ZNF341: variants seen among roughly 807,000 people sequenced by gnomAD.
The protein encoded by ZNF341 is zinc finger protein 341.
A neutral mutation model predicts 87.7 loss-of-function variants in ZNF341; 52 were observed. The observed-to-expected ratio is 0.59, with a 90% CI of 0.47 to 0.75. The LOEUF (loss-of-function observed/expected upper bound fraction) is 0.75. Among genes scored for constraint, ZNF341 ranks in the 30% least tolerant of loss-of-function variants. ZNF341 has a pLI of 0.00. For synonymous variants in ZNF341, 459 were observed against 472.7 expected (o/e 0.97, Z 0.38); for missense variants, 977 against 1,145.9 (o/e 0.85, Z 2.13).
chr20:33,766,856 G>C lies in ZNF341; in HGVS notation c.1228G>C (p.Gly410Arg). 1 of 1,608,126 alleles carries C rather than the reference G, an allele frequency of 6.2e-7. No individual in the cohort carries two copies. The highest frequency in any genetic ancestry group is 8.5e-7 in the Non-Finnish European group (1 of 1,176,774). Residue 410 changes from glycine (G) to arginine (R), a missense_variant, in exon 9 of 15, where the codon GGC becomes CGC. Gly to Arg is a moderately radical substitution (Grantham distance 125). Coordinates refer to ENST00000375200, the MANE Select transcript of ZNF341 (RefSeq NM_001282933.2). ...RQEDEESTGL[G>R]QPLPGAPQPQ... is the part of the protein sequence containing the mutation. ...TTCCCTGGCTTTCTCCACAGGGTTGGGCCAGCCCCTGCCGGGTGCGCCACA... is the reference window on the plus strand; with the variant it reads ...TTCCCTGGCTTTCTCCACAGGGTTGCGCCAGCCCCTGCCGGGTGCGCCACA...
chr20:33,743,141 C>T (rs1364801592), intron 2 of ZNF341, among the ~76,000 whole-genome samples: 4 of 150,994 alleles, frequency 2.6e-5, no homozygotes, highest in Non-Finnish European at 5.9e-5. Context: ...AAGTGATTCT[C>T]CTGCTTCAGC....
intron 7 of ZNF341, among the ~76,000 whole-genome samples, chr20:33,760,194 G>A (rs549823701): frequency 3.3e-5 from 5 of 152,300 alleles, no homozygotes; most frequent in African/African-American, 1.2e-4. Flanking sequence ...CTTGAGGTCA[G>A]GAGTTCAAGA....
chr20:33,757,479 A>C, intron 6 of ZNF341, 136 bp downstream of exon 6: 1 of 778,444 alleles, frequency 1.3e-6, no homozygotes, highest in Non-Finnish European at 1.8e-6. Context: ...AATGACTTCA[A>C]AATGATAGAA....
intron 4 of ZNF341, chr20:33,752,583 A>G: frequency 2.9e-6 from 1 of 350,650 alleles, no homozygotes; most frequent in African/African-American, 2.1e-5. Flanking sequence ...CCTTCTTAAG[A>G]TAGCAACATT....
intron 1 of ZNF341, among the ~76,000 whole-genome samples, chr20:33,739,058 C>T (rs934690626): frequency 1.3e-5 from 2 of 152,206 alleles, no homozygotes; most frequent in East Asian, 3.8e-4. Flanking sequence ...GCAACCTCCA[C>T]CTCCCGGGTT....
At chr20:33,764,635 C>T (rs1365133138) in intron 8 of ZNF341, among the ~76,000 whole-genome samples, 1 of 124,776 alleles carries the variant, frequency 8.0e-6, no homozygotes, top group Non-Finnish European at 1.6e-5. Context: ...TGCAGTGGTG[C>T]GATCTTGGCT....
chr20:33,732,108 C>A lies in ZNF341; in HGVS notation c.31+56C>A. The A allele has an allele frequency of 8.7e-7, 1 of 1,152,992 alleles. No homozygotes were observed. The highest frequency in any genetic ancestry group is 4.2e-5 in the South Asian group (1 of 23,920). 71.4% of individuals were successfully genotyped at this position (1,152,992 alleles called of 1,614,324 possible). ...TGTTCCGCGCTGCGCCCCCTCCCGC[C>A]GCGCCCTCGCAGCGCCCGGCCTAGG... On this transcript the variant is annotated intron_variant, in intron 1 of 14. Transcript: ENST00000375200. The surrounding 1 kb of genome is among the most constrained non-coding windows in gnomAD (Gnocchi z 4.5).
rs1173390467 is a variant in ZNF341 at position 33,770,206 on chromosome 20, C to A, written c.1536C>A (p.Phe512Leu). 1.2e-6 allele frequency: 2 copies of A among 1,614,188 alleles called. No individual in the cohort carries two copies. Among genetic ancestry groups the A allele is most frequent in the Non-Finnish European group, 8.5e-7 (1 of 1,180,036 alleles). ...SYRCHLCGKD[F>L]PSLYDLGVHQ... ...GCTGCCACCTCTGCGGCAAGGACTT[C>A]CCCTCGCTGTACGACCTGGGCGTGC... Residue 512 changes from phenylalanine (F) to leucine (L), a missense_variant, in exon 10 of 15, where the codon TTC becomes TTA. Around this residue, in one of 3 missense-constraint regions of ZNF341, gnomAD observed 241 missense variants for 335.0 expected, o/e 0.72. Coordinates refer to ENST00000375200, the MANE Select transcript of ZNF341 (RefSeq NM_001282933.2).
intron 10 of ZNF341, among the ~76,000 whole-genome samples, chr20:33,779,474 G>A (rs991934439): frequency 1.5e-5 from 2 of 135,866 alleles, no homozygotes; most frequent in African/African-American, 5.6e-5. Context: ...TTTTTGAGAT[G>A]GAGTCTCACT....
chr20:33,783,629 GGT>G, intron 11 of ZNF341, 101 bp from the exon 12 acceptor site: 1 of 1,524,322 alleles, frequency 6.6e-7, no homozygotes, highest in East Asian at 2.3e-5. Context: ...CAGAAAGGAA[GGT>G]GTCTCTATAG....
At position 33,753,299 on chromosome 20, in the gene ZNF341, C is replaced by G; in HGVS notation, c.617C>G (p.Pro206Arg). ...CCACCTCCACCCCAGAGCCTGGGCC[C>G]CCCTGGGCGTCCCAACCCTGGTGGG... is the stretch of plus-strand genomic sequence containing the variant. ...PPPPPPQSLG[P>R]PGRPNPGGNG... Residue 206 changes from proline (P) to arginine (R), a missense_variant, in exon 5 of 15, where the codon CCC becomes CGC. Around this residue, in one of 3 missense-constraint regions of ZNF341, gnomAD observed 515 missense variants for 598.2 expected, o/e 0.86. Transcript: ENST00000375200. 1 of 1,612,220 alleles carries G rather than the reference C, an allele frequency of 6.2e-7. No individual in the cohort carries two copies. Among genetic ancestry groups the G allele is most frequent in the Middle Eastern group, 1.7e-4 (1 of 5,846 alleles).
chr20:33,747,423 G>T (rs935918718), intron 3 of ZNF341, among the ~76,000 whole-genome samples: 3 of 138,130 alleles, frequency 2.2e-5, no homozygotes, highest in African/African-American at 1.0e-4. Context: ...AGACCATCCC[G>T]GCTAAAACGG....
chr20:33,740,988 G>A lies in ZNF341; in HGVS notation c.118G>A (p.Ala40Thr). 1 of 1,614,172 alleles carries A rather than the reference G, an allele frequency of 6.2e-7. No individual in the cohort carries two copies. The highest frequency in any genetic ancestry group is 1.6e-4 in the Middle Eastern group (1 of 6,062). The change falls in exon 2 of 15, where the codon GCG becomes ACG. Residue 40 changes from alanine to threonine, a missense_variant. Coordinates refer to ENST00000375200, the MANE Select transcript of ZNF341 (RefSeq NM_001282933.2). ...TGATCCGACAGGCCAGAGTGTCAAT[G>A]CGCCCCCTGCTATCCAGCCATTGGG... ...VPDPTGQSVN[A>T]PPAIQPLDDE...
At position 33,732,538 on chromosome 20, in the gene ZNF341, C is replaced by A. The variant is rs1199451674; in HGVS notation, c.31+486C>A. Among the ~76,000 whole-genome samples, 1 of 152,244 alleles carries A rather than the reference C, an allele frequency of 6.6e-6. No individual in the cohort carries two copies. Among genetic ancestry groups the A allele is most frequent in the African/African-American group, 2.4e-5 (1 of 41,476 alleles). On this transcript the variant is annotated intron_variant, in intron 1 of 14. Coordinates refer to ENST00000375200, the MANE Select transcript of ZNF341 (RefSeq NM_001282933.2). The surrounding 1 kb of genome is among the most constrained non-coding windows in gnomAD (Gnocchi z 4.5). ...CTAGGACGTAGTCTCAAAATCAGAC[C>A]ACAGCAGCAGAGGCGCCACCTGTGT...
intron 1 of ZNF341, among the ~76,000 whole-genome samples, chr20:33,734,622 C>T (rs2018642274): frequency 1.3e-5 from 2 of 152,162 alleles, no homozygotes; most frequent in African/African-American, 4.8e-5. Context: ...CCCTGGTGCC[C>T]TGTTCTCCTT....
At chr20:33,767,242 C>T (rs1184771233) in intron 9 of ZNF341, among the ~76,000 whole-genome samples, 1 of 152,182 alleles carries the variant, frequency 6.6e-6, no homozygotes, top group Non-Finnish European at 1.5e-5. Context: ...AACTTTGACT[C>T]TCCTCCAGAC....
At position 33,758,790 on chromosome 20, in the gene ZNF341, C is replaced by T; in HGVS notation, c.1012C>T (p.Gln338Ter). The change falls in exon 7 of 15, where the codon CAG becomes TAG. Residue 338 changes from glutamine (Q) to a stop codon, truncating the protein, a stop_gained. Coordinates refer to ENST00000375200, the MANE Select transcript of ZNF341 (RefSeq NM_001282933.2). LOFTEE classifies it high-confidence loss of function. ...GTCATTCACCAAAAACTTTGACCTG[C>T]AGCAGCACATCCGAAGGTACACATG... is the stretch of plus-strand genomic sequence containing the variant. ...DKSFTKNFDLQQHIRSHTGEK... is the reference protein window; with the variant it reads ...DKSFTKNFDL 1 of 1,613,898 alleles carries T rather than the reference C, an allele frequency of 6.2e-7. No homozygotes were observed. Among genetic ancestry groups the T allele is most frequent in the South Asian group, 1.1e-5 (1 of 91,030 alleles).
In ZNF341 at chr20:33,767,017, C is replaced by T. The variant is rs1461571209; in HGVS notation, c.1389C>T (p.His463=). 1.2e-6 allele frequency: 2 copies of T among 1,613,514 alleles called. No homozygotes were observed. Among genetic ancestry groups the T allele is most frequent in the Non-Finnish European group, 1.7e-6 (2 of 1,179,746 alleles). Reference sequence around the variant, plus strand: ...GCACCTACTTCCAGCTCAAGTCTCACATGACCCAGCATAAGAATGAGCAGG... The same window carrying T: ...GCACCTACTTCCAGCTCAAGTCTCATATGACCCAGCATAAGAATGAGCAGG... The part of the protein sequence containing the change: ...KFSTYFQLKS[H]MTQHKNEQVY... The change falls in exon 9 of 15, where the codon CAC becomes CAT. Residue 463 remains histidine, a synonymous_variant. Coordinates refer to ENST00000375200, the MANE Select transcript of ZNF341 (RefSeq NM_001282933.2).
rs553846266 is a variant in ZNF341 at position 33,763,922 on chromosome 20, G to A, written c.1222+1867G>A. Among the ~76,000 whole-genome samples the A allele has an allele frequency of 2.8e-3, 417 of 151,156 alleles. 3 individuals are homozygous for A. Among genetic ancestry groups the A allele is most frequent in the Non-Finnish European group, 4.6e-3 (313 of 67,794 alleles). On this transcript the variant is annotated intron_variant, in intron 8 of 14. Coordinates refer to ENST00000375200, the MANE Select transcript of ZNF341 (RefSeq NM_001282933.2). ...TGTTCAGCCGGGCATGGTGGCTCAC[G>A]CCTGTAATCCCAGCACTTTGGGAGG...
Sources: allele counts gnomAD v4.1 joint callset (sites outside exome capture counted in the v4.1 genomes callset), GRCh38; gene constraint gnomAD v4.1.1; regional missense constraint gnomAD v4.1.1; non-coding constraint Gnocchi (gnomAD v3.1); transcripts MANE v1.5; gene names NCBI Gene and HGNC (gene_info 2026-07-23, HGNC 2026-07-21).